Variants in GLB1 observed in about 807,000 individuals in gnomAD.
GLB1 encodes the protein beta-galactosidase.
Under a neutral mutation model 74.0 loss-of-function variants are expected in GLB1, and 56 were observed. The observed-to-expected ratio is 0.76, with a 90% CI of 0.61 to 0.94. The LOEUF is 0.94. Ranked by LOEUF, GLB1 falls within the 40% of genes least tolerant of loss-of-function variation. The pLI is 0.00. For synonymous variants in GLB1, 323 were observed against 323.6 expected (o/e 1.00, Z 0.02); for missense variants, 787 against 845.5 (o/e 0.93, Z 0.86).
At chr3:33,034,415 G>C in intron 10 of GLB1, 1 of 742,362 alleles carries the variant, frequency 1.3e-6, no homozygotes, top group Non-Finnish European at 2.5e-6. Context: ...GTTTCCATCA[G>C]GTGGCTGTGA....
intron 10 of GLB1, among the ~76,000 whole-genome samples, chr3:33,038,421 T>C (rs1698375130): frequency 1.3e-5 from 2 of 152,246 alleles, no homozygotes; most frequent in Admixed American, 6.5e-5. Context: ...TAGGTTTTTG[T>C]TGACAAATCT....
At chr3:33,015,315 C>G (rs947760589) in intron 14 of GLB1, among the ~76,000 whole-genome samples, 1 of 152,194 alleles carries the variant, frequency 6.6e-6, no homozygotes. Context: ...AGTCACTCAC[C>G]TGTTATGAGG....
chr3:33,091,674 C>G, intron 1 of GLB1: 1 of 985,152 alleles, frequency 1.0e-6, no homozygotes, highest in Non-Finnish European at 1.2e-6. Context: ...TGATGGAAAC[C>G]AAGGCTGAGT....
chr3:33,031,892 G>A (rs550396545), intron 10 of GLB1, among the ~76,000 whole-genome samples: 87 of 151,726 alleles, frequency 5.7e-4, no homozygotes, highest in Middle Eastern at 3.4e-3. Flanking sequence ...CTGCCTCCTG[G>A]GTTCAAGCGA....
chr3:33,035,902 A>G (rs911492437), intron 10 of GLB1, among the ~76,000 whole-genome samples: 8 of 152,220 alleles, frequency 5.3e-5, no homozygotes, highest in East Asian at 1.9e-4. Flanking sequence ...ACCATTACCT[A>G]TAATTCAAGC....
chr3:32,978,399 AC>A, the GLB1 span, among the ~76,000 whole-genome samples: 1 of 146,882 alleles, frequency 6.8e-6, no homozygotes, highest in Non-Finnish European at 1.5e-5. Context: ...AAAAAAAAAA[AC>A]AAATTTCCTG....
Position 33,093,371 on chromosome 3 carries a change from T to C in GLB1, c.75+3640A>G, listed in dbSNP as rs1409066292. ...CTGACGTGTAGTACTCATGATTGCCTGTGACGAAGTAGGCACCGAGATGTG... is the reference window on the plus strand; with the variant it reads ...CTGACGTGTAGTACTCATGATTGCCCGTGACGAAGTAGGCACCGAGATGTG... On this transcript the variant is annotated intron_variant, in intron 1 of 15. Coordinates refer to ENST00000307363, the MANE Select transcript of GLB1 (RefSeq NM_000404.4). This position sits in a 1 kb window ranked among gnomAD's most constrained non-coding sequence, Gnocchi z 6.0. 1 of 1,614,084 alleles carries C rather than the reference T, an allele frequency of 6.2e-7. No homozygotes were observed. The highest frequency in any genetic ancestry group is 1.7e-5 in the Admixed American group (1 of 60,018).
chr3:32,975,340 C>T, the GLB1 span, among the ~76,000 whole-genome samples: 3 of 152,166 alleles, frequency 2.0e-5, no homozygotes, highest in Non-Finnish European at 4.4e-5. Flanking sequence ...CCACCTTGAC[C>T]TCCCAAAGTG....
intron 1 of GLB1, among the ~76,000 whole-genome samples, chr3:33,080,739 T>C (rs1700293722): frequency 6.6e-6 from 1 of 152,220 alleles, no homozygotes; most frequent in Non-Finnish European, 1.5e-5. Flanking sequence ...GGCTGTCCCT[T>C]CTTTCCACCT....
At position 33,046,195 on chromosome 3, in the gene GLB1, GTAGC is replaced by G. The variant is rs1559398411; in HGVS notation, c.989_992del (p.Ser330ThrfsTer7). The stretch of plus-strand genomic sequence containing the variant: ...CCTCACTCAGTGGGGCATCATAGTC[GTAGC>G]TGGTGGGCTGTGCTGCATAGGGTGA... On this transcript the variant is annotated frameshift_variant, in exon 10 of 16. Transcript: ENST00000307363. LOFTEE classifies it high-confidence loss of function. 4 of 1,613,998 alleles carry G rather than the reference GTAGC, an allele frequency of 2.5e-6. No individual in the cohort carries two copies. Among genetic ancestry groups the G allele is most frequent in the Non-Finnish European group, 3.4e-6 (4 of 1,179,994 alleles).
At chr3:33,053,973 A>G (rs988388037) in intron 6 of GLB1, among the ~76,000 whole-genome samples, 2 of 152,150 alleles carry the variant, frequency 1.3e-5, no homozygotes, top group Non-Finnish European at 2.9e-5. Flanking sequence ...AGATCGTGCC[A>G]CTGCACTCCA....
In GLB1 at chr3:33,087,976, T is replaced by C. The variant is rs543020055; in HGVS notation, c.75+9035A>G. Among the ~76,000 whole-genome samples the C allele has an allele frequency of 2.6e-5, 4 of 152,158 alleles. No homozygotes were observed. In the South Asian group the frequency reaches 8.3e-4, roughly 32 times the overall value. ...AACATATAAAAATCAATCAATATAA[T>C]ACACCAAATTAACAGATTGAAGGGC... On this transcript the variant is annotated intron_variant, in intron 1 of 15. Coordinates refer to ENST00000307363, the MANE Select transcript of GLB1 (RefSeq NM_000404.4).
intron 2 of GLB1, among the ~76,000 whole-genome samples, chr3:33,071,713 T>C (rs547256805): frequency 1.6e-4 from 25 of 151,700 alleles, no homozygotes; most frequent in Non-Finnish European, 3.2e-4. Flanking sequence ...CCACCCCTCC[T>C]TCTCCCCTGA....
intron 4 of GLB1, among the ~76,000 whole-genome samples, chr3:33,067,002 C>CTTTT (rs63579460): frequency 2.2e-5 from 3 of 135,440 alleles, no homozygotes; most frequent in Non-Finnish European, 3.1e-5. Flanking sequence ...GTTTTTATTT[C>CTTTT]TTTTTTTTTT....
At chr3:33,074,662 C>T (rs1700044909) in intron 1 of GLB1, among the ~76,000 whole-genome samples, 2 of 152,196 alleles carry the variant, frequency 1.3e-5, no homozygotes, top group African/African-American at 2.4e-5. Context: ...GTGGATAAGG[C>T]AGCAACAGGC....
chr3:33,077,505 C>T, intron 1 of GLB1: 1 of 719,338 alleles, frequency 1.4e-6, no homozygotes, highest in South Asian at 1.7e-5. Context: ...GGGAACCTCC[C>T]ACTTCACTCC....
intron 4 of GLB1, among the ~76,000 whole-genome samples, 193 bp downstream of exon 4, chr3:33,068,037 C>G (rs1575471002): frequency 3.3e-5 from 5 of 152,186 alleles, no homozygotes; most frequent in Non-Finnish European, 1.5e-5. Flanking sequence ...AGGCGCCCAC[C>G]ACCATGCCCA....
At chr3:32,981,845 G>A in the GLB1 span, among the ~76,000 whole-genome samples, 1 of 150,846 alleles carries the variant, frequency 6.6e-6, no homozygotes, top group Non-Finnish European at 1.5e-5. Context: ...GTTTGTATTT[G>A]CATGGTATAC....
the GLB1 span, among the ~76,000 whole-genome samples, chr3:32,969,784 C>T: frequency 6.6e-6 from 1 of 152,232 alleles, no homozygotes; most frequent in East Asian, 1.9e-4. Flanking sequence ...CTAAAGACAT[C>T]ATTAAGGCAT....
Sources: allele counts gnomAD v4.1 joint callset (sites outside exome capture counted in the v4.1 genomes callset), GRCh38; gene constraint gnomAD v4.1.1; non-coding constraint Gnocchi (gnomAD v3.1); transcripts MANE v1.5; gene names NCBI Gene and HGNC (gene_info 2026-07-23, HGNC 2026-07-21).